The following DYSF variants were observed in gnomAD, a reference collection of about 807,000 sequenced individuals.
DYSF encodes dystrophy-associated fer-1-like 1.
DYSF carries 212 observed loss-of-function variants against 274.9 expected under a neutral mutation model. The ratio of observed to expected loss-of-function variants is 0.77; its 90% confidence interval spans 0.69 to 0.86. DYSF has a LOEUF of 0.86. DYSF is among the 40% of genes least tolerant of loss of function. The pLI, the probability that DYSF is intolerant of heterozygous loss-of-function variation, is 0.00. For synonymous variants in DYSF, 1,091 were observed against 1,078.7 expected, an observed-to-expected ratio of 1.01 and a Z score of -0.22; for missense variants, 2,666 against 2,783.2, an observed-to-expected ratio of 0.96 and a Z score of 0.95.
intron 1 of DYSF, chr2:71,454,143 C>T (rs2080952672): frequency 1.3e-6 from 2 of 1,534,206 alleles, no homozygotes; most frequent in East Asian, 4.7e-5. Flanking sequence ...GAGGGGACGC[C>T]GCGGCTCTCA....
chr2:71,604,776 A>T (rs1233927380), intron 36 of DYSF, among the ~76,000 whole-genome samples: 1 of 152,224 alleles, frequency 6.6e-6, no homozygotes, highest in East Asian at 1.9e-4. Context: ...ATGAGATGAA[A>T]TACTGTCTGC....
rs762443031 is a variant in DYSF, at chr2:71,681,012, A to G, written c.6075A>G (p.Glu2025=). The change falls in exon 54 of 56, where the codon GAA becomes GAG. Residue 2025 remains glutamate (E), a synonymous_variant. Transcript: ENST00000410020. ...CTCTGTCCCCTCAGGGCAAGCTGGA[A>G]ATGACCTTGGAGATTGTAGCAGAGA... ...GEKKILAGKL[E]MTLEIVAESE... The G allele has an allele frequency of 1.9e-6, 3 of 1,614,152 alleles. No individual in the cohort carries two copies. The South Asian group carries it at 3.3e-5, about 18-fold the overall frequency.
chr2:71,533,250 C>T (rs187430132), intron 14 of DYSF, among the ~76,000 whole-genome samples: 4 of 152,304 alleles, frequency 2.6e-5, no homozygotes, highest in Admixed American at 1.3e-4. Flanking sequence ...GAACTCCTGA[C>T]CTCAAGTGAC....
intron 32 of DYSF, among the ~76,000 whole-genome samples, chr2:71,590,944 G>T (rs1050831689): frequency 1.3e-5 from 2 of 152,138 alleles, no homozygotes; most frequent in African/African-American, 4.8e-5. Flanking sequence ...GTTATCTTCT[G>T]ATCTCCCTGG....
At chr2:71,509,990 C>G (rs764099718) in intron 4 of DYSF, among the ~76,000 whole-genome samples, 10 of 152,302 alleles carry the variant, frequency 6.6e-5, no homozygotes, top group Non-Finnish European at 1.2e-4. Context: ...GTTGGCCAGG[C>G]TGGTCTCAAA....
rs771663815 is a variant in DYSF at position 71,682,574 on chromosome 2, C to A, written c.6218C>A (p.Thr2073Asn). Residue 2073 changes from threonine (T) to asparagine (N), a missense_variant, in exon 55 of 56, where the codon ACC (threonine) becomes AAC (asparagine). Around this residue, in one of 3 missense-constraint regions of DYSF, gnomAD observed 1,460 missense variants for 1,502.1 expected, o/e 0.97. Transcript: ENST00000410020. The stretch of plus-strand genomic sequence containing the variant: ...CTGTGGTTTACCTCCCCATACAAGA[C>A]CATGAAGTTCATCCTGTGGCGGCGT... ...SFLWFTSPYK[T>N]MKFILWRRFR... 2.5e-6 allele frequency: 4 copies of A among 1,614,026 alleles called. No homozygotes were observed. The highest frequency in any genetic ancestry group is 1.3e-5 in the African/African-American group (1 of 74,910).
intron 45 of DYSF, among the ~76,000 whole-genome samples, chr2:71,662,711 A>G (rs190109768): frequency 1.0e-4 from 14 of 138,468 alleles, no homozygotes; most frequent in African/African-American, 3.6e-4. Context: ...TGTGTGTTGT[A>G]TGTATGTGTG....
intron 1 of DYSF, among the ~76,000 whole-genome samples, chr2:71,461,289 G>T (rs893335480): frequency 1.3e-5 from 2 of 152,218 alleles, no homozygotes. Flanking sequence ...AGAGGGACCC[G>T]TCTAGACCCC....
chr2:71,505,355 C>T (rs931126669), intron 4 of DYSF, among the ~76,000 whole-genome samples: 1 of 152,230 alleles, frequency 6.6e-6, no homozygotes, highest in Non-Finnish European at 1.5e-5. Flanking sequence ...CATTTCTGAG[C>T]TAAGCCCAAT....
Position 71,644,740 on chromosome 2 carries a change from G to C in DYSF, c.4626+677G>C, listed in dbSNP as rs988686462. Among the ~76,000 whole-genome samples the C allele has an allele frequency of 4.6e-5, 7 of 152,196 alleles. No individual in the cohort carries two copies. In the South Asian group the frequency reaches 1.4e-3, roughly 31 times the overall value. ...ACTTTTAAAGAAGATAATCAGAGGT[G>C]ACTCAGAAATTACTCCTTAAAGGAG... On this transcript the variant is annotated intron_variant, in intron 42 of 55. Transcript: ENST00000410020.
intron 30 of DYSF, among the ~76,000 whole-genome samples, chr2:71,589,250 T>G (rs1055545627): frequency 6.6e-6 from 1 of 152,192 alleles, no homozygotes; most frequent in African/African-American, 2.4e-5. Flanking sequence ...TCCACTGGAC[T>G]TGTCCCTAGT....
intron 4 of DYSF, among the ~76,000 whole-genome samples, chr2:71,505,938 G>C (rs778148715): frequency 2.0e-5 from 3 of 152,212 alleles, no homozygotes; most frequent in Admixed American, 6.5e-5. Context: ...AGGCGGGCAG[G>C]ACAGTGCTCA....
At chr2:71,648,591 A>G (rs1029361043) in intron 42 of DYSF, among the ~76,000 whole-genome samples, 2 of 152,220 alleles carry the variant, frequency 1.3e-5, no homozygotes, top group Non-Finnish European at 2.9e-5. Context: ...CCTTACGGAA[A>G]TGAAAGAATA....
intron 4 of DYSF, among the ~76,000 whole-genome samples, chr2:71,510,358 G>A (rs1012232402): frequency 6.6e-6 from 1 of 152,202 alleles, no homozygotes; most frequent in African/African-American, 2.4e-5. Context: ...CCCTCCACGG[G>A]TTGCAGGAGC....
intron 41 of DYSF, among the ~76,000 whole-genome samples, chr2:71,621,066 G>T (rs11897566): frequency 0.71 from 108,483 of 151,956 alleles, 40,885 homozygotes; most frequent in East Asian, 0.87. Context: ...GAGGTCTGCT[G>T]GGGCCAACAG....
chr2:71,576,889 C>T lies in DYSF; in HGVS notation c.3402+2518C>T, dbSNP rs180875223. 4 of 152,374 alleles carry T rather than the reference C, an allele frequency of 2.6e-5. No homozygotes were observed. The East Asian group carries it at 7.7e-4, about 29-fold the overall frequency. 9.4% of individuals were successfully genotyped at this position (152,374 alleles called of 1,614,324 possible). ...CAGAGAGACCGATCTGCGTATTCTTCTTGTGGAAGAGACTGTCCTGAGGGA... is the reference window on the plus strand; with the variant it reads ...CAGAGAGACCGATCTGCGTATTCTTTTTGTGGAAGAGACTGTCCTGAGGGA... On this transcript the variant is annotated intron_variant, in intron 30 of 55. Coordinates refer to ENST00000410020, the MANE Select transcript of DYSF (RefSeq NM_001130987.2).
At chr2:71,644,280 C>T (rs537259361) in intron 42 of DYSF, among the ~76,000 whole-genome samples, 1 of 152,220 alleles carries the variant, frequency 6.6e-6, no homozygotes, top group African/African-American at 2.4e-5. Flanking sequence ...GACAGTATTC[C>T]CAGGAGAATG....
chr2:71,488,867 C>G (rs1419356881), intron 3 of DYSF, among the ~76,000 whole-genome samples: 1 of 152,150 alleles, frequency 6.6e-6, no homozygotes, highest in Non-Finnish European at 1.5e-5. Flanking sequence ...CACCCTTCCC[C>G]ATGGTCTGAG....
intron 3 of DYSF, among the ~76,000 whole-genome samples, chr2:71,488,689 A>G (rs1301050300): frequency 1.3e-5 from 2 of 152,180 alleles, no homozygotes; most frequent in African/African-American, 4.8e-5. Context: ...ATCAAGTGTT[A>G]TAGGAGGAGG....
Sources: gnomAD v4.1 joint callset for allele counts (sites outside exome capture counted in the v4.1 genomes callset) on GRCh38, gnomAD v4.1.1 for gene constraint, gnomAD v4.1.1 regional missense constraint, MANE v1.5 for transcripts, NCBI Gene and HGNC (gene_info 2026-07-23, HGNC 2026-07-21) for gene names.